The following SUCLG2 variants were observed in gnomAD, a reference collection of about 807,000 sequenced individuals.
SUCLG2 encodes the protein succinate--CoA ligase [GDP-forming] subunit beta, mitochondrial.
A neutral mutation model predicts 47.9 loss-of-function variants in SUCLG2; 42 were observed. That is an observed-to-expected ratio of 0.88 (90% CI 0.69 to 1.14). The LOEUF is 1.14. Among genes scored for constraint, SUCLG2 ranks in the 50% most tolerant of loss-of-function variants. The probability of loss-of-function intolerance (pLI) is 0.00; values close to 1 mark genes in which losing one functional copy is unlikely to be tolerated. For synonymous variants in SUCLG2, 195 were observed against 197.3 expected, an observed-to-expected ratio of 0.99 and a Z score of 0.10; for missense variants, 571 against 525.9, an observed-to-expected ratio of 1.09 and a Z score of -0.84.
chr3:67,620,259 G>C (rs980377528), intron 1 of SUCLG2, among the ~76,000 whole-genome samples: 4 of 152,126 alleles, frequency 2.6e-5, no homozygotes, highest in African/African-American at 7.2e-5. Context: ...TGTAATTACA[G>C]AGCAGCAAAT....
At chr3:67,581,748 T>C (rs56033013) in intron 2 of SUCLG2, among the ~76,000 whole-genome samples, 69,946 of 151,982 alleles carry the variant, frequency 0.46, 17,096 homozygotes, top group Admixed American at 0.55. Flanking sequence ...CTTGGAGTAT[T>C]AGGCTAAGGA....
chr3:67,431,292 G>C (rs1472091695), intron 9 of SUCLG2, among the ~76,000 whole-genome samples: 4 of 152,096 alleles, frequency 2.6e-5, no homozygotes, highest in Non-Finnish European at 5.9e-5. Flanking sequence ...TGCAAGGCTG[G>C]TTCAACATAT....
intron 2 of SUCLG2, among the ~76,000 whole-genome samples, chr3:67,598,277 C>T (rs113515029): frequency 0.01 from 1,583 of 152,232 alleles, 18 homozygotes; most frequent in African/African-American, 0.025. Flanking sequence ...CCACCACGCC[C>T]GGCCAAAACT....
intron 1 of SUCLG2, among the ~76,000 whole-genome samples, chr3:67,614,081 A>C (rs1379327387): frequency 6.6e-6 from 1 of 152,128 alleles, no homozygotes; most frequent in Non-Finnish European, 1.5e-5. Flanking sequence ...ACCTGTTATG[A>C]CCCTAAAAAT....
intron 4 of SUCLG2, among the ~76,000 whole-genome samples, chr3:67,525,409 T>C (rs1392948112): frequency 2.0e-5 from 3 of 152,188 alleles, no homozygotes; most frequent in Non-Finnish European, 2.9e-5. Flanking sequence ...CTCTGTGATA[T>C]TGGTGGCGGG....
chr3:67,404,265 C>G (rs982295380), intron 9 of SUCLG2, among the ~76,000 whole-genome samples: 1 of 151,538 alleles, frequency 6.6e-6, no homozygotes, highest in Non-Finnish European at 1.5e-5. Flanking sequence ...AGGAGGGGAA[C>G]AGAAGGACAG....
At chr3:67,596,966 A>T (rs1039371327) in intron 2 of SUCLG2, among the ~76,000 whole-genome samples, 2 of 152,210 alleles carry the variant, frequency 1.3e-5, no homozygotes, top group East Asian at 3.9e-4. Context: ...TATAACTGAA[A>T]GTAGAGCTCA....
chr3:67,428,203 G>A (rs753706867), intron 9 of SUCLG2, among the ~76,000 whole-genome samples: 1 of 152,186 alleles, frequency 6.6e-6, no homozygotes, highest in Admixed American at 6.5e-5. Flanking sequence ...AGTAGGGGCC[G>A]ACTGACACCT....
intron 2 of SUCLG2, among the ~76,000 whole-genome samples, chr3:67,608,536 C>T (rs906283443): frequency 3.9e-5 from 6 of 152,030 alleles, no homozygotes; most frequent in East Asian, 1.9e-4. Flanking sequence ...CATTATTGAA[C>T]GATGCTCCAC....
In SUCLG2 at chr3:67,375,918, T is replaced by C. The variant is rs1033995251; in HGVS notation, c.1184-59A>G. The C allele has an allele frequency of 1.9e-6, 3 of 1,577,244 alleles. No individual in the cohort carries two copies. The African/African-American group carries it at 4.0e-5, about 21-fold the overall frequency. On this transcript the variant is annotated intron_variant, in intron 10 of 10. Transcript: ENST00000307227. ...AACTAGAGGTGGCGCCTTATGAAGT[T>C]TGCACAAGGACACACAAGACTCACC... is the stretch of plus-strand genomic sequence containing the variant.
rs922662011 is a variant in SUCLG2, at chr3:67,496,015, C to T, written c.920-75G>A. 21 of 1,573,328 alleles carry T rather than the reference C, an allele frequency of 1.3e-5. No individual in the cohort carries two copies. In the African/African-American group the frequency reaches 2.4e-4, roughly 18 times the overall value. On this transcript the variant is annotated intron_variant, in intron 8 of 10. Coordinates refer to ENST00000307227, the MANE Select transcript of SUCLG2 (RefSeq NM_003848.4). ...ATGGTCCATAAACATTTTCCCTCCC[C>T]CATATTGCCAAGAGAGAACTCTGTC...
At chr3:67,416,032 A>AGG in intron 9 of SUCLG2, among the ~76,000 whole-genome samples, 1 of 152,204 alleles carries the variant, frequency 6.6e-6, no homozygotes, top group Non-Finnish European at 1.5e-5. Context: ...CAGGCCTCCT[A>AGG]CCAACTGCCA....
chr3:67,400,855 A>AAATCAAAAATAAAAAGTTACC lies in SUCLG2; in HGVS notation c.1063-25_1063-5dup. The stretch of plus-strand genomic sequence containing the variant: ...TATTGACAAGGATGGCTTCAACCTG[A>AAATCAAAAATAAAAAGTTACC]AATCAAAAATAAAAAGTTACCAATC... On this transcript the variant is annotated splice_region_variant and splice_polypyrimidine_tract_variant and intron_variant, in intron 9 of 10. Transcript: ENST00000307227. 1 of 1,612,510 alleles carries AAATCAAAAATAAAAAGTTACC rather than the reference A, an allele frequency of 6.2e-7. No individual in the cohort carries two copies. Among genetic ancestry groups the AAATCAAAAATAAAAAGTTACC allele is most frequent in the South Asian group, 1.1e-5 (1 of 90,634 alleles).
intron 9 of SUCLG2, among the ~76,000 whole-genome samples, chr3:67,433,814 A>C (rs1268109952): frequency 1.3e-5 from 2 of 152,180 alleles, no homozygotes; most frequent in South Asian, 2.1e-4. Flanking sequence ...AAAAAAAAAA[A>C]AACTTATTTG....
intron 9 of SUCLG2, among the ~76,000 whole-genome samples, chr3:67,456,447 A>G (rs1704188547): frequency 1.3e-5 from 2 of 152,204 alleles, no homozygotes. Context: ...CCCTCATTGG[A>G]AGATTTACTG....
chr3:67,539,495 A>G (rs138405273), intron 2 of SUCLG2, among the ~76,000 whole-genome samples: 12,049 of 152,162 alleles, frequency 0.079, 577 homozygotes, highest in East Asian at 0.18. Context: ...ATCGATGTTC[A>G]TCAGGGATGT....
At chr3:67,588,382 A>G (rs1708078499) in intron 2 of SUCLG2, among the ~76,000 whole-genome samples, 2 of 152,216 alleles carry the variant, frequency 1.3e-5, no homozygotes, top group Non-Finnish European at 1.5e-5. Flanking sequence ...TATCCATAAG[A>G]AAGTACACAC....
chr3:67,642,557 C>T (rs540282871), intron 1 of SUCLG2, among the ~76,000 whole-genome samples: 5 of 152,284 alleles, frequency 3.3e-5, no homozygotes, highest in South Asian at 2.1e-4. Context: ...ATGCAGTGAG[C>T]TGTTATACGA....
At chr3:67,401,047 A>C (rs1702673222) in intron 9 of SUCLG2, among the ~76,000 whole-genome samples, 196 bp from the exon 10 acceptor site, 1 of 152,198 alleles carries the variant, frequency 6.6e-6, no homozygotes. Context: ...TAAATATCAC[A>C]ATATAACATT....
Sources: gnomAD v4.1 joint callset for allele counts (sites outside exome capture counted in the v4.1 genomes callset) on GRCh38, gnomAD v4.1.1 for gene constraint, MANE v1.5 for transcripts, NCBI Gene and HGNC (gene_info 2026-07-23, HGNC 2026-07-21) for gene names.